Variants in ERCC8 observed in about 807,000 individuals in gnomAD.
ERCC8 encodes the protein ERCC excision repair 8, CSA ubiquitin ligase complex subunit, also known as DNA excision repair protein ERCC-8.
In ERCC8, 52 loss-of-function variants were observed where a neutral mutation model predicts 54.9. The observed-to-expected ratio is 0.95, with a 90% CI of 0.76 to 1.19. The LOEUF is 1.19. ERCC8 is among the 50% of genes most tolerant of loss of function. The probability of loss-of-function intolerance (pLI) is 0.00; values close to 1 mark genes in which losing one functional copy is unlikely to be tolerated. For synonymous variants in ERCC8, 146 were observed against 157.2 expected (o/e 0.93, Z 0.53); for missense variants, 514 against 466.1 (o/e 1.10, Z -0.95).
Position 60,932,789 on chromosome 5 carries a change from A to G in ERCC8, c.78-3830T>C, listed in dbSNP as rs79897465. 6.1e-3 allele frequency among the ~76,000 whole-genome samples: 923 copies of G among 152,188 alleles called. 26 individuals are homozygous for G. In the South Asian group the frequency reaches 0.08, roughly 13 times the overall value. On this transcript the variant is annotated intron_variant, in intron 1 of 11. Transcript: ENST00000676185. ...GGTCTTGAGGACTTCCCCCAACACA[A>G]TGGCATAGGAGTAGAGGGAAAAGAG...
intron 4 of ERCC8, among the ~76,000 whole-genome samples, chr5:60,910,397 T>A (rs529089806): frequency 6.6e-6 from 1 of 152,304 alleles, no homozygotes; most frequent in African/African-American, 2.4e-5. Flanking sequence ...TAGAATTAGC[T>A]AGTCAATTTT....
intron 9 of ERCC8, chr5:60,892,916 G>C: frequency 1.3e-6 from 1 of 741,320 alleles, no homozygotes; most frequent in Non-Finnish European, 2.5e-6. Flanking sequence ...TATGGATGTG[G>C]GTGCGCATTT....
intron 4 of ERCC8, among the ~76,000 whole-genome samples, chr5:60,911,397 T>C (rs141954512): frequency 0.024 from 3,661 of 152,238 alleles, 68 homozygotes; most frequent in Admixed American, 0.056. Flanking sequence ...ATGTCTTCTT[T>C]GAGAAGTGTC....
intron 11 of ERCC8, among the ~76,000 whole-genome samples, chr5:60,876,957 T>C (rs1306287243): frequency 6.6e-6 from 1 of 152,172 alleles, no homozygotes; most frequent in Non-Finnish European, 1.5e-5. Context: ...TCCTTGCCCA[T>C]GCCTATGTCC....
Position 60,873,156 on chromosome 5 carries a change from T to C in ERCC8, c.*1459A>G, listed in dbSNP as rs1428764015. ...TAATTTTGAAAAATAAGAGAATGGA[T>C]GTAAAGTGTTCTTACCACAAAATGG... On this transcript the variant is annotated 3_prime_UTR_variant, in exon 12 of 12. Transcript: ENST00000676185. Among the ~76,000 whole-genome samples the C allele has an allele frequency of 6.6e-6, 1 of 152,188 alleles. No homozygotes were observed. The highest frequency in any genetic ancestry group is 1.5e-5 in the Non-Finnish European group (1 of 68,036).
chr5:60,883,558 T>C (rs1416908221), intron 11 of ERCC8, among the ~76,000 whole-genome samples: 1 of 152,232 alleles, frequency 6.6e-6, no homozygotes, highest in Non-Finnish European at 1.5e-5. Context: ...AGAGAAGGAA[T>C]AGAACCAAAC....
chr5:60,874,815 TTAA>T, intron 11 of ERCC8, 132 bp from the exon 12 acceptor site: 1 of 746,740 alleles, frequency 1.3e-6, no homozygotes, highest in Non-Finnish European at 2.2e-6. Flanking sequence ...TGTATAACTG[TTAA>T]TTTCAGAACA....
In ERCC8 at chr5:60,873,043, A is replaced by G. The variant is rs1747896792; in HGVS notation, c.*1572T>C. Among the ~76,000 whole-genome samples the G allele has an allele frequency of 6.6e-6, 1 of 152,204 alleles. No homozygotes were observed. The highest frequency in any genetic ancestry group is 1.5e-5 in the Non-Finnish European group (1 of 68,034). On this transcript the variant is annotated 3_prime_UTR_variant, in exon 12 of 12. Transcript: ENST00000676185. ...TTGTTGGAGAAACATTGGTCAAAGG[A>G]TACAAAATTTCAGTTAAAAAGGGGG...
At chr5:60,881,301 G>A (rs901276219) in intron 11 of ERCC8, among the ~76,000 whole-genome samples, 5 of 152,160 alleles carry the variant, frequency 3.3e-5, no homozygotes, top group African/African-American at 9.7e-5. Context: ...TAGGCTACTC[G>A]GCATCAGGGA....
At chr5:60,881,069 T>G (rs557886638) in intron 11 of ERCC8, among the ~76,000 whole-genome samples, 1 of 152,270 alleles carries the variant, frequency 6.6e-6, no homozygotes, top group Non-Finnish European at 1.5e-5. Flanking sequence ...TGCTTGTTAG[T>G]TTTCCTTCTA....
intron 4 of ERCC8, among the ~76,000 whole-genome samples, chr5:60,913,404 T>C (rs1048252755): frequency 8.5e-5 from 13 of 152,244 alleles, no homozygotes; most frequent in African/African-American, 2.7e-4. Flanking sequence ...TATTCTCTGA[T>C]GGTAGTTTGT....
chr5:60,928,657 A>T (rs1454652489), intron 2 of ERCC8, among the ~76,000 whole-genome samples: 6 of 152,232 alleles, frequency 3.9e-5, no homozygotes, highest in Non-Finnish European at 2.9e-5. Context: ...TATTTATATT[A>T]AAGTAGCTTG....
chr5:60,905,752 A>G (rs1224077569), intron 4 of ERCC8, among the ~76,000 whole-genome samples: 1 of 152,210 alleles, frequency 6.6e-6, no homozygotes, highest in Non-Finnish European at 1.5e-5. Context: ...TGTAGTAAAG[A>G]GTTTAACTGA....
At chr5:60,941,903 GA>G (rs1750268419) in intron 1 of ERCC8, among the ~76,000 whole-genome samples, 1 of 152,022 alleles carries the variant, frequency 6.6e-6, no homozygotes, top group South Asian at 2.1e-4. Flanking sequence ...TTGATGGTTG[GA>G]AAAAATTATA....
chr5:60,914,768 CA>C (rs1387887394), intron 4 of ERCC8, among the ~76,000 whole-genome samples: 2 of 125,826 alleles, frequency 1.6e-5, no homozygotes, highest in Non-Finnish European at 3.2e-5. Context: ...GCTTGGGGAA[CA>C]GGGCAAGACT....
At chr5:60,933,991 T>C (rs1749989428) in intron 1 of ERCC8, among the ~76,000 whole-genome samples, 1 of 152,188 alleles carries the variant, frequency 6.6e-6, no homozygotes, top group African/African-American at 2.4e-5. Flanking sequence ...TTGATTGATA[T>C]GCATTTGGGC....
At chr5:60,913,213 G>A (rs1050448818) in intron 4 of ERCC8, among the ~76,000 whole-genome samples, 33 of 152,038 alleles carry the variant, frequency 2.2e-4, no homozygotes, top group African/African-American at 5.8e-4. Context: ...TTGTGAATCC[G>A]TCTGGTCCTG....
At chr5:60,917,551 T>A (rs1749472566) in intron 4 of ERCC8, 1 of 151,946 alleles carries the variant, frequency 6.6e-6, no homozygotes. Context: ...GTAGTCCAGA[T>A]GTGCAGTAAA....
chr5:60,915,131 A>AAATTC (rs1749394167), intron 4 of ERCC8: 1 of 151,952 alleles, frequency 6.6e-6, no homozygotes, highest in Non-Finnish European at 1.5e-5. Flanking sequence ...TTTCCTCTTG[A>AAATTC]AGCATTTGTA....
Sources: allele counts gnomAD v4.1 joint callset (sites outside exome capture counted in the v4.1 genomes callset), GRCh38; gene constraint gnomAD v4.1.1; transcripts MANE v1.5; gene names NCBI Gene and HGNC (gene_info 2026-07-23, HGNC 2026-07-21).